The following NRXN1 variants were observed in gnomAD, a reference collection of about 807,000 sequenced individuals.
NRXN1 encodes neurexin-1.
NRXN1 carries 39 observed loss-of-function variants against 150.9 expected under a neutral mutation model. That is an observed-to-expected ratio of 0.26 (90% CI 0.20 to 0.34). The LOEUF is 0.34. NRXN1 is among the 10% of genes least tolerant of loss of function. The pLI is 1.00. For missense variants in NRXN1, 1,815 were observed against 1,949.9 expected (o/e 0.93, Z 1.30); for synonymous variants, 924 against 757.0 (o/e 1.22, Z -3.62).
Position 50,940,272 on chromosome 2 carries a change from C to T in NRXN1, c.773-14317G>A, listed in dbSNP as rs1056118674. On this transcript the variant is annotated intron_variant, in intron 2 of 22. Transcript: ENST00000401669. ...GCGGAGGATCATGAGGTTAAGAGAT[C>T]GAGACCATCCTGGCCAACATGGTGA... Among the ~76,000 whole-genome samples the T allele has an allele frequency of 1.2e-4, 18 of 151,926 alleles. 1 individual carries two copies. The highest frequency in any genetic ancestry group is 1.1e-3 in the Admixed American group (17 of 15,232).
At chr2:50,248,895 C>T (rs1055846127) in intron 17 of NRXN1, among the ~76,000 whole-genome samples, 11 of 151,954 alleles carry the variant, frequency 7.2e-5, no homozygotes, top group Non-Finnish European at 1.5e-4. Flanking sequence ...ACCTGTAATC[C>T]CAGCACTTTG....
chr2:50,520,560 A>C (rs1427463807), intron 12 of NRXN1, among the ~76,000 whole-genome samples: 1 of 151,964 alleles, frequency 6.6e-6, no homozygotes, highest in Non-Finnish European at 1.5e-5. Flanking sequence ...TTTTGTTATG[A>C]AGGTCCCTTG....
At chr2:50,505,251 G>T (rs1209532998) in intron 13 of NRXN1, among the ~76,000 whole-genome samples, 3 of 151,848 alleles carry the variant, frequency 2.0e-5, no homozygotes, top group Non-Finnish European at 4.4e-5. Context: ...ATAAACGTAG[G>T]TTCTCTCCTC....
intron 17 of NRXN1, among the ~76,000 whole-genome samples, chr2:50,388,465 G>A (rs560691073): frequency 1.6e-4 from 24 of 152,112 alleles, no homozygotes; most frequent in Non-Finnish European, 3.2e-4. Flanking sequence ...ATAGCCACTT[G>A]GAACACATAC....
intron 13 of NRXN1, among the ~76,000 whole-genome samples, chr2:50,499,263 T>C (rs955249402): frequency 6.6e-6 from 1 of 152,190 alleles, no homozygotes; most frequent in African/African-American, 2.4e-5. Flanking sequence ...CACTCTTTTT[T>C]AGTCTTGATC....
intron 2 of NRXN1, among the ~76,000 whole-genome samples, chr2:51,003,577 A>T (rs1208791650): frequency 6.6e-6 from 1 of 152,028 alleles, no homozygotes; most frequent in Non-Finnish European, 1.5e-5. Flanking sequence ...AAGACATGAA[A>T]GAAATTCTAA....
intron 18 of NRXN1, among the ~76,000 whole-genome samples, chr2:50,168,990 C>T (rs1476683907): frequency 6.6e-6 from 1 of 152,168 alleles, no homozygotes; most frequent in Non-Finnish European, 1.5e-5. Context: ...CATCTTCAAA[C>T]AGAATATGAG....
chr2:50,178,290 G>T (rs2060474370), intron 18 of NRXN1, among the ~76,000 whole-genome samples: 1 of 152,060 alleles, frequency 6.6e-6, no homozygotes, highest in Non-Finnish European at 1.5e-5. Flanking sequence ...TTTTAACACA[G>T]TCTGCTCAAT....
Position 50,774,880 on chromosome 2 carries a change from G to A in NRXN1, c.832+146989C>T, listed in dbSNP as rs750335680. On this transcript the variant is annotated intron_variant, in intron 5 of 22. Coordinates refer to ENST00000401669, the MANE Select transcript of NRXN1 (RefSeq NM_001330078.2). The stretch of plus-strand genomic sequence containing the variant: ...TCTATTCCCATCCCAATCACCAATC[G>A]AATTTCTAAACTATATCCCTATGAT... Among the ~76,000 whole-genome samples, 15 of 151,910 alleles carry A rather than the reference G, an allele frequency of 9.9e-5. 1 individual carries two copies. Among genetic ancestry groups the A allele is most frequent in the Non-Finnish European group, 1.5e-4 (10 of 67,976 alleles).
intron 5 of NRXN1, among the ~76,000 whole-genome samples, chr2:50,874,202 T>C (rs1246829261): frequency 6.6e-6 from 1 of 151,894 alleles, no homozygotes; most frequent in Non-Finnish European, 1.5e-5. Context: ...CCATCTTGAT[T>C]TAGGATTTTC....
Position 50,210,105 on chromosome 2 carries a change from T to G in NRXN1, c.3546+26684A>C, listed in dbSNP as rs182339987. ...AATTTGAAGAAAATCAAAACAGAAT[T>G]GGTCCAGTCAAGCCCAGGCAATGAG... On this transcript the variant is annotated intron_variant, in intron 18 of 22. Coordinates refer to ENST00000401669, the MANE Select transcript of NRXN1 (RefSeq NM_001330078.2). Among the ~76,000 whole-genome samples the G allele has an allele frequency of 7.3e-3, 1,110 of 152,046 alleles. 13 individuals carry two copies. Among genetic ancestry groups the G allele is most frequent in the Middle Eastern group, 0.017 (5 of 294 alleles).
chr2:50,324,137 A>G (rs907902588), intron 17 of NRXN1, among the ~76,000 whole-genome samples: 3 of 152,250 alleles, frequency 2.0e-5, no homozygotes, highest in African/African-American at 7.2e-5. Context: ...GGCAGGGTAT[A>G]TGCTTGAGTA....
At chr2:50,275,929 T>A (rs1291832893) in intron 17 of NRXN1, among the ~76,000 whole-genome samples, 1 of 150,844 alleles carries the variant, frequency 6.6e-6, no homozygotes, top group Non-Finnish European at 1.5e-5. Flanking sequence ...TAAATTAAAT[T>A]GTTCAATCAC....
intron 5 of NRXN1, among the ~76,000 whole-genome samples, chr2:50,840,548 C>A (rs1165178981): frequency 1.3e-5 from 2 of 152,084 alleles, no homozygotes; most frequent in Non-Finnish European, 2.9e-5. Context: ...GCTTGCCTGA[C>A]AGACCAATTT....
chr2:50,643,273 T>C (rs1327814417), intron 5 of NRXN1, among the ~76,000 whole-genome samples: 1 of 151,980 alleles, frequency 6.6e-6, no homozygotes, highest in Non-Finnish European at 1.5e-5. Context: ...TATTTAAACA[T>C]TCCAATCCTT....
chr2:50,413,189 C>G (rs757282847), intron 17 of NRXN1, among the ~76,000 whole-genome samples: 1 of 152,136 alleles, frequency 6.6e-6, no homozygotes, highest in African/African-American at 2.4e-5. Context: ...CTCTATCTAA[C>G]AAGGAATTCA....
At chr2:50,613,585 C>G (rs1678543107) in intron 8 of NRXN1, among the ~76,000 whole-genome samples, 1 of 152,186 alleles carries the variant, frequency 6.6e-6, no homozygotes, top group South Asian at 2.1e-4. Context: ...AGTGAAGGGA[C>G]TTCTTTGCAT....
At chr2:50,487,610 T>A (rs1351355064) in intron 15 of NRXN1, among the ~76,000 whole-genome samples, 1 of 152,188 alleles carries the variant, frequency 6.6e-6, no homozygotes, top group Non-Finnish European at 1.5e-5. Context: ...CCACCCAACT[T>A]TCAAGTCTAT....
At chr2:50,255,611 T>C (rs2067622420) in intron 17 of NRXN1, among the ~76,000 whole-genome samples, 1 of 152,074 alleles carries the variant, frequency 6.6e-6, no homozygotes, top group Middle Eastern at 3.2e-3. Context: ...GAAGTGAAAA[T>C]GGTGGAGAAA....
Sources: gnomAD v4.1 joint callset for allele counts (sites outside exome capture counted in the v4.1 genomes callset) on GRCh38, gnomAD v4.1.1 for gene constraint, MANE v1.5 for transcripts, NCBI Gene and HGNC (gene_info 2026-07-23, HGNC 2026-07-21) for gene names.